Variants in ZNF799 observed in about 807,000 individuals in gnomAD.
The protein encoded by ZNF799 is zinc finger protein 14.
In ZNF799, 28 loss-of-function variants were observed where a neutral mutation model predicts 41.0. The ratio of observed to expected loss-of-function variants is 0.68; its 90% CI spans 0.51 to 0.94. The LOEUF (loss-of-function observed/expected upper bound fraction) is 0.94, where lower values mean the gene tolerates loss of function less well. Ranked by LOEUF, ZNF799 falls within the 40% of genes least tolerant of loss-of-function variation. The pLI, the probability that ZNF799 is intolerant of heterozygous loss-of-function variation, is 0.00. For missense variants in ZNF799, 716 were observed against 764.3 expected, an observed-to-expected ratio of 0.94 and a Z score of 0.74; for synonymous variants, 213 against 252.9, an observed-to-expected ratio of 0.84 and a Z score of 1.50.
chr19:12,408,040 C>T, the ZNF799 span, among the ~76,000 whole-genome samples: 1 of 152,034 alleles, frequency 6.6e-6, no homozygotes, highest in African/African-American at 2.4e-5. Flanking sequence ...ACTGTAGTCA[C>T]AGCTACTCGG....
intron 1 of ZNF799, chr19:12,394,459 A>G (rs886914756): frequency 4.3e-6 from 2 of 469,656 alleles, no homozygotes; most frequent in Non-Finnish European, 5.6e-6. Context: ...CTTTCTGGGT[A>G]GATAACATTT....
upstream of ZNF799, among the ~76,000 whole-genome samples, chr19:12,406,136 C>G (rs2144918948): frequency 7.9e-6 from 1 of 126,092 alleles, no homozygotes; most frequent in East Asian, 2.5e-4. Context: ...CGCCACTGCA[C>G]TAATGTCTGG....
Position 12,390,694 on chromosome 19 carries a change from G to A in ZNF799, c.1704C>T (p.Ala568=), listed in dbSNP as rs1191584427. The part of the protein sequence containing the change: ...KPYECQQCGK[A]FTHSRFLQGH... Reference sequence around the variant, plus strand: ...CTTGAAGAAAACGGGAATGAGTGAAGGCTTTACCACATTGTTGACACTCAT... The same window carrying A: ...CTTGAAGAAAACGGGAATGAGTGAAAGCTTTACCACATTGTTGACACTCAT... Residue 568 remains alanine, a synonymous_variant, in exon 4 of 4, where the codon GCC becomes GCT. Coordinates refer to ENST00000430385, the MANE Select transcript of ZNF799 (RefSeq NM_001080821.3). 6.2e-7 allele frequency: 1 copy of A among 1,613,792 alleles called. No individual in the cohort carries two copies.
the ZNF799 span, among the ~76,000 whole-genome samples, chr19:12,407,889 C>T: frequency 6.6e-6 from 1 of 152,116 alleles, no homozygotes. Context: ...AGTTGGGTAG[C>T]TCATGTGTGT....
At chr19:12,411,893 A>G in the ZNF799 span, among the ~76,000 whole-genome samples, 50,527 of 151,816 alleles carry the variant, frequency 0.33, 8,954 homozygotes, top group South Asian at 0.51. Context: ...GATTACAGGC[A>G]TGAGCCACTG....
intron 1 of ZNF799, chr19:12,400,763 G>A (rs1356993123): frequency 3.6e-6 from 2 of 560,292 alleles, no homozygotes; most frequent in Admixed American, 6.8e-5. Context: ...TCGGTGCAGT[G>A]AGTCGGGCCG....
the ZNF799 span, among the ~76,000 whole-genome samples, chr19:12,410,608 A>C: frequency 3.9e-5 from 6 of 152,178 alleles, no homozygotes; most frequent in Admixed American, 3.3e-4. Flanking sequence ...GGAAAATTAC[A>C]ATGAGAATAT....
At chr19:12,407,696 T>C in the ZNF799 span, among the ~76,000 whole-genome samples, 1 of 152,156 alleles carries the variant, frequency 6.6e-6, no homozygotes, top group East Asian at 1.9e-4. Flanking sequence ...GTTTAGCTTA[T>C]AATAGGGCCA....
upstream of ZNF799, among the ~76,000 whole-genome samples, chr19:12,404,740 CCT>C (rs963059060): frequency 1.3e-5 from 2 of 152,136 alleles, no homozygotes; most frequent in Non-Finnish European, 2.9e-5. Context: ...TAACTCAGTC[CCT>C]GTCAAATTTG....
chr19:12,408,736 T>C, the ZNF799 span, among the ~76,000 whole-genome samples: 1 of 152,094 alleles, frequency 6.6e-6, no homozygotes, highest in Non-Finnish European at 1.5e-5. Flanking sequence ...AAATAGAGCA[T>C]CAAAATGCAT....
Position 12,393,373 on chromosome 19 carries a change from C to T in ZNF799, c.54G>A (p.Trp18Ter), listed in dbSNP as rs1479429182. Residue 18 changes from tryptophan to a stop codon, truncating the protein, a stop_gained, in exon 2 of 4, where the codon TGG becomes TGA. Coordinates refer to ENST00000430385, the MANE Select transcript of ZNF799 (RefSeq NM_001080821.3). LOFTEE classifies it high-confidence loss of function. ...DVAVNFTREEWALLGPCQKNL... is the reference protein window; with the variant it reads ...DVAVNFTREE The stretch of plus-strand genomic sequence containing the variant: ...TCTTCTGACAAGGACCCAGCAAAGC[C>T]CACTCTTCTCGGGTGAAGTTCACAG... The T allele has an allele frequency of 8.7e-7, 1 of 1,154,340 alleles. No individual in the cohort carries two copies. Among genetic ancestry groups the T allele is most frequent in the Admixed American group, 2.1e-5 (1 of 47,516 alleles). The allele number at this position is 1,154,340 out of a possible 1,614,324, so 71.5% of individuals were successfully genotyped here. A position where few individuals can be genotyped will look rare whatever the true frequency, so the allele number is the denominator to read the frequency against.
intron 1 of ZNF799, chr19:12,395,137 T>A (rs1969876088): frequency 2.0e-5 from 3 of 151,174 alleles, no homozygotes; most frequent in Non-Finnish European, 4.4e-5. Flanking sequence ...GAAACAAAGC[T>A]GTCTTTTTTT....
At chr19:12,407,497 A>G in the ZNF799 span, among the ~76,000 whole-genome samples, 1 of 151,904 alleles carries the variant, frequency 6.6e-6, no homozygotes, top group African/African-American at 2.4e-5. Context: ...AAAAAAAAGA[A>G]CTAGAACAAA....
rs150066447 is a variant in ZNF799 at position 12,397,451 on chromosome 19, G to C, written c.3+3617C>G. ...GTGGTGGCCTGCACCTGTAGTCCCA[G>C]CTACTCAGGAAAGCAAGTAGGGAGG... is the stretch of plus-strand genomic sequence containing the variant. On this transcript the variant is annotated intron_variant, in intron 1 of 3. Transcript: ENST00000430385. 2.7e-5 allele frequency among the ~76,000 whole-genome samples: 4 copies of C among 150,912 alleles called. No individual in the cohort carries two copies. The South Asian group carries it at 8.4e-4, about 32-fold the overall frequency.
the ZNF799 span, among the ~76,000 whole-genome samples, chr19:12,414,802 TCAAA>T: frequency 4.0e-5 from 6 of 151,492 alleles, no homozygotes; most frequent in Non-Finnish European, 7.4e-5. Context: ...TTTCAGGAGG[TCAAA>T]CAGATTCCCA....
chr19:12,404,007 C>A (rs1156296669), upstream of ZNF799, among the ~76,000 whole-genome samples: 1 of 152,156 alleles, frequency 6.6e-6, no homozygotes, highest in East Asian at 1.9e-4. Context: ...CTCCACTGAC[C>A]AATTGGTCAT....
In ZNF799 at chr19:12,391,335, G is replaced by A. The variant is rs760010729; in HGVS notation, c.1063C>T (p.His355Tyr). 6.2e-7 allele frequency: 1 copy of A among 1,614,160 alleles called. No individual in the cohort carries two copies. The highest frequency in any genetic ancestry group is 1.1e-5 in the South Asian group (1 of 91,078). ...GFDCPSSLKS[H>Y]ERTHTGEKLY... ...TTCTCTCCAGTGTGAGTTCTTTCATGACTTTTCAGTGAACTAGGACAATCA... is the reference window on the plus strand; with the variant it reads ...TTCTCTCCAGTGTGAGTTCTTTCATAACTTTTCAGTGAACTAGGACAATCA... Residue 355 changes from histidine (H) to tyrosine (Y), a missense_variant, in exon 4 of 4, where the codon CAT (histidine) becomes TAT (tyrosine). Physicochemically the swap from His to Tyr is moderately conservative, Grantham distance 83. Coordinates refer to ENST00000430385, the MANE Select transcript of ZNF799 (RefSeq NM_001080821.3).
At chr19:12,400,028 G>A (rs1168431255) in intron 1 of ZNF799, among the ~76,000 whole-genome samples, 1 of 149,692 alleles carries the variant, frequency 6.7e-6, no homozygotes, top group African/African-American at 2.5e-5. Context: ...ATATCGCCTG[G>A]GGGCCAAACA....
At chr19:12,399,046 G>A (rs1046571551) in intron 1 of ZNF799, among the ~76,000 whole-genome samples, 1 of 152,114 alleles carries the variant, frequency 6.6e-6, no homozygotes, top group African/African-American at 2.4e-5. Context: ...TGTCTTCAAA[G>A]TATACAATAA....
Sources: allele counts gnomAD v4.1 joint callset (sites outside exome capture counted in the v4.1 genomes callset), GRCh38; gene constraint gnomAD v4.1.1; transcripts MANE v1.5; gene names NCBI Gene and HGNC (gene_info 2026-07-23, HGNC 2026-07-21).